TRAPPC9: variants seen among roughly 807,000 people sequenced by gnomAD.
TRAPPC9 encodes trafficking protein particle complex subunit 9.
TRAPPC9 carries 83 observed loss-of-function variants against 124.0 expected under a neutral mutation model. The observed-to-expected ratio is 0.67, with a 90% confidence interval of 0.56 to 0.80. The LOEUF (loss-of-function observed/expected upper bound fraction) is 0.80, where lower values mean the gene tolerates loss of function less well. Among genes scored for constraint, TRAPPC9 ranks in the 30% least tolerant of loss-of-function variants. The probability of loss-of-function intolerance (pLI) is 0.00; values close to 1 mark genes in which losing one functional copy is unlikely to be tolerated. For missense variants in TRAPPC9, 1,302 were observed against 1,508.3 expected (o/e 0.86, Z 2.27); for synonymous variants, 638 against 617.5 (o/e 1.03, Z -0.49).
chr8:140,176,857 T>C (rs891553406), intron 17 of TRAPPC9, among the ~76,000 whole-genome samples: 3 of 152,256 alleles, frequency 2.0e-5, no homozygotes, highest in African/African-American at 7.2e-5. Context: ...ATGGATCGCA[T>C]AATGAAATCT....
At chr8:139,756,659 C>G (rs1586776442) in intron 21 of TRAPPC9, among the ~76,000 whole-genome samples, 2 of 135,288 alleles carry the variant, frequency 1.5e-5, no homozygotes, top group African/African-American at 2.9e-5. Context: ...GCAGGAGGAG[C>G]CAGGGATTGG....
At chr8:140,172,849 G>T (rs2061992892) in intron 17 of TRAPPC9, among the ~76,000 whole-genome samples, 1 of 152,144 alleles carries the variant, frequency 6.6e-6, no homozygotes, top group East Asian at 1.9e-4. Flanking sequence ...CTTTGACCAT[G>T]GTCAACAGCT....
At position 140,438,993 on chromosome 8, in the gene TRAPPC9, C is replaced by T. The variant is rs2070916173; in HGVS notation, c.730+59G>A. 5 of 1,610,882 alleles carry T rather than the reference C, an allele frequency of 3.1e-6. No homozygotes were observed. In the South Asian group the frequency reaches 4.4e-5, roughly 14 times the overall value. On this transcript the variant is annotated intron_variant, in intron 3 of 22. Coordinates refer to ENST00000438773, the MANE Select transcript of TRAPPC9 (RefSeq NM_001160372.4). ...GCGTGAGCCACCGCACCCAGCCTCT[C>T]ATTTTAATTAACAGTTGAAACAATT...
At chr8:140,135,760 T>C (rs2061293682) in intron 17 of TRAPPC9, among the ~76,000 whole-genome samples, 1 of 152,216 alleles carries the variant, frequency 6.6e-6, no homozygotes, top group Non-Finnish European at 1.5e-5. Context: ...GGCTTGCACA[T>C]GTGAAAATGG....
chr8:140,146,592 A>C (rs1305571078), intron 17 of TRAPPC9, among the ~76,000 whole-genome samples: 1 of 152,220 alleles, frequency 6.6e-6, no homozygotes, highest in Non-Finnish European at 1.5e-5. Flanking sequence ...CTTGGAAACC[A>C]CATCTACTTT....
At chr8:140,342,072 T>C (rs1234059764) in intron 9 of TRAPPC9, among the ~76,000 whole-genome samples, 4 of 152,204 alleles carry the variant, frequency 2.6e-5, no homozygotes, top group African/African-American at 7.2e-5. Context: ...TGAGTTGCCA[T>C]ATTCCGGACC....
intron 17 of TRAPPC9, among the ~76,000 whole-genome samples, chr8:140,213,684 G>A (rs1052725327): frequency 6.6e-6 from 1 of 152,032 alleles, no homozygotes; most frequent in Non-Finnish European, 1.5e-5. Flanking sequence ...CTGCTCAAAT[G>A]TTAAGAGATA....
chr8:139,906,576 G>T (rs182562852), intron 20 of TRAPPC9, among the ~76,000 whole-genome samples: 149 of 152,284 alleles, frequency 9.8e-4, no homozygotes, highest in African/African-American at 2.8e-3. Context: ...AGAGAAGGGG[G>T]AAGAGAGGAT....
chr8:140,190,310 T>C (rs2062461287), intron 17 of TRAPPC9, among the ~76,000 whole-genome samples: 1 of 151,738 alleles, frequency 6.6e-6, no homozygotes, highest in Non-Finnish European at 1.5e-5. Context: ...ACAAAAAAAT[T>C]AGCCAGGCGT....
At chr8:140,432,744 C>T (rs1251871958) in intron 4 of TRAPPC9, among the ~76,000 whole-genome samples, 1 of 151,930 alleles carries the variant, frequency 6.6e-6, no homozygotes, top group East Asian at 1.9e-4. Context: ...TGGTGGCGGA[C>T]GCCTGTAGTC....
At chr8:139,797,858 C>T (rs775843834) in intron 21 of TRAPPC9, among the ~76,000 whole-genome samples, 10 of 152,190 alleles carry the variant, frequency 6.6e-5, no homozygotes, top group East Asian at 1.9e-4. Flanking sequence ...TTGATCTGTA[C>T]GTCCATCCTT....
chr8:139,786,599 C>A (rs1330687019), intron 21 of TRAPPC9, among the ~76,000 whole-genome samples: 7 of 152,146 alleles, frequency 4.6e-5, no homozygotes, highest in Non-Finnish European at 1.5e-5. Flanking sequence ...CACACAAAGT[C>A]TTTTACACAA....
At chr8:139,787,957 G>A (rs1046239821) in intron 21 of TRAPPC9, among the ~76,000 whole-genome samples, 10 of 152,298 alleles carry the variant, frequency 6.6e-5, no homozygotes, top group Non-Finnish European at 1.3e-4. Flanking sequence ...TGCAAGGCAC[G>A]GGGTTGTGGG....
At chr8:140,231,194 T>G (rs1251482470) in intron 16 of TRAPPC9, among the ~76,000 whole-genome samples, 1 of 152,222 alleles carries the variant, frequency 6.6e-6, no homozygotes, top group Non-Finnish European at 1.5e-5. Flanking sequence ...CAGCCTCAGG[T>G]GCTGCCCGGC....
At chr8:139,808,257 G>A (rs906975029) in intron 21 of TRAPPC9, among the ~76,000 whole-genome samples, 1 of 152,146 alleles carries the variant, frequency 6.6e-6, no homozygotes, top group East Asian at 1.9e-4. Flanking sequence ...TCAGGAGTTC[G>A]AGACCAGCCT....
chr8:140,329,111 A>G (rs1165478283), intron 9 of TRAPPC9, among the ~76,000 whole-genome samples: 2 of 152,192 alleles, frequency 1.3e-5, no homozygotes. Flanking sequence ...TAACACTCCC[A>G]GGTAGAATGT....
At chr8:140,375,410 C>T (rs909853968) in intron 7 of TRAPPC9, among the ~76,000 whole-genome samples, 2 of 152,158 alleles carry the variant, frequency 1.3e-5, no homozygotes, top group Non-Finnish European at 2.9e-5. Context: ...CTCACCATTC[C>T]ATTTCCAAGT....
At chr8:140,440,919 C>T (rs972560384) in intron 2 of TRAPPC9, among the ~76,000 whole-genome samples, 2 of 151,700 alleles carry the variant, frequency 1.3e-5, no homozygotes, top group Non-Finnish European at 2.9e-5. Context: ...TCCCTGACTC[C>T]AACCTCTGCA....
intron 17 of TRAPPC9, among the ~76,000 whole-genome samples, chr8:140,168,363 T>C (rs1016534962): frequency 1.5e-5 from 1 of 65,646 alleles, no homozygotes; most frequent in Non-Finnish European, 3.8e-5. Context: ...TTCTAAAACA[T>C]TTTTTTAACC....
Sources: gnomAD v4.1 joint callset for allele counts (sites outside exome capture counted in the v4.1 genomes callset) on GRCh38, gnomAD v4.1.1 for gene constraint, MANE v1.5 for transcripts, NCBI Gene and HGNC (gene_info 2026-07-23, HGNC 2026-07-21) for gene names.